Variants in SMYD3 observed in about 807,000 individuals in gnomAD.
The protein encoded by SMYD3 is SET and MYND domain containing 3.
A neutral mutation model predicts 57.7 loss-of-function variants in SMYD3; 36 were observed. That is an observed-to-expected ratio of 0.62 (90% CI 0.48 to 0.82). The LOEUF (loss-of-function observed/expected upper bound fraction) is 0.82. Among genes scored for constraint, SMYD3 ranks in the 40% least tolerant of loss-of-function variants. The pLI is 0.00. For missense variants in SMYD3, 515 were observed against 538.8 expected (o/e 0.96, Z 0.44); for synonymous variants, 211 against 195.0 (o/e 1.08, Z -0.68).
intron 1 of SMYD3, among the ~76,000 whole-genome samples, chr1:246,375,134 C>T (rs1185889982): frequency 6.6e-6 from 1 of 151,924 alleles, no homozygotes; most frequent in Non-Finnish European, 1.5e-5. Flanking sequence ...TAAAAAGAAA[C>T]ACATAATAAA....
At chr1:246,448,702 TTTAAAAAAAA>T (rs1251039629) in intron 1 of SMYD3, among the ~76,000 whole-genome samples, 1 of 92,896 alleles carries the variant, frequency 1.1e-5, no homozygotes, top group African/African-American at 5.4e-5. Flanking sequence ...ATCTCTTTTT[TTTAAAAAAAA>T]AAAAAAAAAA....
At chr1:246,494,322 G>A (rs973172269) in intron 1 of SMYD3, among the ~76,000 whole-genome samples, 1 of 152,148 alleles carries the variant, frequency 6.6e-6, no homozygotes, top group Non-Finnish European at 1.5e-5. Context: ...TTCCTCCATA[G>A]TTGTTATCTC....
At chr1:245,998,224 T>C (rs1373424145) in intron 5 of SMYD3, among the ~76,000 whole-genome samples, 1 of 152,176 alleles carries the variant, frequency 6.6e-6, no homozygotes, top group Non-Finnish European at 1.5e-5. Flanking sequence ...ACCCCACTCA[T>C]CTCTTACCCA....
intron 9 of SMYD3, among the ~76,000 whole-genome samples, chr1:245,861,453 A>G (rs1386392384): frequency 1.3e-5 from 2 of 152,246 alleles, no homozygotes; most frequent in Non-Finnish European, 2.9e-5. Flanking sequence ...CTGAGATTCA[A>G]TGACTGTCAG....
At chr1:245,852,577 A>C (rs2051033378) in intron 10 of SMYD3, among the ~76,000 whole-genome samples, 4 of 152,206 alleles carry the variant, frequency 2.6e-5, no homozygotes, top group African/African-American at 7.2e-5. Context: ...CATAAAAGTA[A>C]AACATAAGTA....
chr1:246,283,959 T>C (rs1173555882), intron 5 of SMYD3, among the ~76,000 whole-genome samples: 2 of 152,218 alleles, frequency 1.3e-5, no homozygotes, highest in Non-Finnish European at 2.9e-5. Flanking sequence ...ACATTAATAT[T>C]TGACTAAAAT....
intron 1 of SMYD3, among the ~76,000 whole-genome samples, chr1:246,486,504 A>G (rs970816193): frequency 2.0e-5 from 3 of 152,232 alleles, no homozygotes; most frequent in Non-Finnish European, 4.4e-5. Context: ...TGTGAAGATT[A>G]TAATACCTCA....
intron 5 of SMYD3, among the ~76,000 whole-genome samples, chr1:245,945,811 G>A (rs2057411045): frequency 6.6e-6 from 1 of 152,166 alleles, no homozygotes; most frequent in Non-Finnish European, 1.5e-5. Flanking sequence ...GTTCTTTGCA[G>A]GGACTTAGAT....
At chr1:246,393,876 T>C (rs73132607) in intron 1 of SMYD3, among the ~76,000 whole-genome samples, 5,433 of 151,914 alleles carry the variant, frequency 0.036, 330 homozygotes, top group African/African-American at 0.13. Flanking sequence ...CTAAAAACAA[T>C]TGTCTTATTT....
chr1:246,106,176 G>A (rs1266327582), intron 5 of SMYD3, among the ~76,000 whole-genome samples: 1 of 152,114 alleles, frequency 6.6e-6, no homozygotes, highest in African/African-American at 2.4e-5. Context: ...CCTCGGATGG[G>A]TTTAAGCACT....
At chr1:246,041,248 C>A (rs917235263) in intron 5 of SMYD3, among the ~76,000 whole-genome samples, 2 of 152,142 alleles carry the variant, frequency 1.3e-5, no homozygotes, top group African/African-American at 4.8e-5. Flanking sequence ...CCTGAAGATG[C>A]ACTTCCCAGA....
chr1:245,756,974 T>C (rs1164641792), intron 11 of SMYD3, among the ~76,000 whole-genome samples: 1 of 152,108 alleles, frequency 6.6e-6, no homozygotes, highest in Non-Finnish European at 1.5e-5. Flanking sequence ...AAAAACAATA[T>C]GGTAAAGTAC....
rs143736502 is a variant in SMYD3, at chr1:246,136,315, C to T, written c.531+190886G>A. ...CATTTTTTAGTTGGCTACCCACCCC[C>T]AATTCCAAAAGCATAGGTCCATCAT... On this transcript the variant is annotated intron_variant, in intron 5 of 11. Coordinates refer to ENST00000490107, the MANE Select transcript of SMYD3 (RefSeq NM_001167740.2). Among the ~76,000 whole-genome samples the T allele has an allele frequency of 7.3e-3, 1,113 of 152,256 alleles. 2 individuals carry two copies. Among genetic ancestry groups the T allele is most frequent in the Non-Finnish European group, 0.012 (791 of 67,998 alleles).
At position 246,340,660 on chromosome 1, in the gene SMYD3, A is replaced by G. The variant is rs544012458; in HGVS notation, c.229-5186T>C. 3.3e-5 allele frequency among the ~76,000 whole-genome samples: 5 copies of G among 152,332 alleles called. No homozygotes were observed. The East Asian group carries it at 9.6e-4, about 29-fold the overall frequency. On this transcript the variant is annotated intron_variant, in intron 2 of 11. Coordinates refer to ENST00000490107, the MANE Select transcript of SMYD3 (RefSeq NM_001167740.2). ...TGATCTTTCTGATGGGTATTTGGTAATGAATATCAAAATTGTAATGTGCAT... is the reference window on the plus strand; with the variant it reads ...TGATCTTTCTGATGGGTATTTGGTAGTGAATATCAAAATTGTAATGTGCAT...
Position 245,903,456 on chromosome 1 carries a change from C to T in SMYD3, c.813+12074G>A, listed in dbSNP as rs866826746. ...AATAGAAAGCTTCACCAATTGCCCC[C>T]ACCCCCACAAGGACACCAAGTTAAC... On this transcript the variant is annotated intron_variant, in intron 8 of 11. Coordinates refer to ENST00000490107, the MANE Select transcript of SMYD3 (RefSeq NM_001167740.2). Among the ~76,000 whole-genome samples, 7 of 152,154 alleles carry T rather than the reference C, an allele frequency of 4.6e-5. No individual in the cohort carries two copies. In the South Asian group the frequency reaches 1.5e-3, roughly 32 times the overall value.
intron 5 of SMYD3, among the ~76,000 whole-genome samples, chr1:246,088,466 C>G (rs1429765512): frequency 7.3e-6 from 1 of 136,162 alleles, no homozygotes; most frequent in Non-Finnish European, 1.5e-5. Flanking sequence ...AAAAATTAGC[C>G]GGGCGTGGTG....
chr1:246,498,503 G>A (rs947416287), intron 1 of SMYD3, among the ~76,000 whole-genome samples: 7 of 152,156 alleles, frequency 4.6e-5, no homozygotes, highest in Admixed American at 2.6e-4. Context: ...GGAGGCCGAG[G>A]CGGGTGGATC....
Position 246,327,313 on chromosome 1 carries a change from T to G in SMYD3, c.419A>C (p.Lys140Thr). Reference protein sequence around the residue: ...ESNINKLTEDKKEGLRQLVMT... With the variant: ...ESNINKLTEDTKEGLRQLVMT... ...TACGAGTTGCCTGAGGCCCTCTTTC[T>G]TATCTTCAGTCAGTTTGTTAATATC... The change falls in exon 5 of 12, where the codon AAG becomes ACG. Residue 140 changes from lysine (K) to threonine (T), a missense_variant. Lys to Thr is a moderately conservative substitution (Grantham distance 78). Coordinates refer to ENST00000490107, the MANE Select transcript of SMYD3 (RefSeq NM_001167740.2). The G allele has an allele frequency of 8.7e-6, 14 of 1,613,388 alleles. No homozygotes were observed. The highest frequency in any genetic ancestry group is 1.1e-5 in the Non-Finnish European group (13 of 1,179,728).
chr1:246,242,707 C>T (rs1013651611), intron 5 of SMYD3, among the ~76,000 whole-genome samples: 3 of 142,986 alleles, frequency 2.1e-5, no homozygotes, highest in African/African-American at 7.6e-5. Flanking sequence ...AGACCTATCT[C>T]ATGTACAGAG....
Sources: gnomAD v4.1 joint callset for allele counts (sites outside exome capture counted in the v4.1 genomes callset) on GRCh38, gnomAD v4.1.1 for gene constraint, MANE v1.5 for transcripts, NCBI Gene and HGNC (gene_info 2026-07-23, HGNC 2026-07-21) for gene names.